Variants in NEBL observed in about 807,000 individuals in gnomAD.
NEBL encodes LIM and SH3 protein 2.
A neutral mutation model predicts 140.2 loss-of-function variants in NEBL; 122 were observed. That is an observed-to-expected ratio of 0.87 (90% CI 0.75 to 1.01). The LOEUF (loss-of-function observed/expected upper bound fraction) is 1.01. Ranked by LOEUF, NEBL falls within the 50% of genes least tolerant of loss-of-function variation. NEBL has a pLI of 0.00. For missense variants in NEBL, 1,365 were observed against 1,231.3 expected (o/e 1.11, Z -1.62); for synonymous variants, 436 against 398.9 (o/e 1.09, Z -1.11).
intron 2 of NEBL, among the ~76,000 whole-genome samples, chr10:21,084,740 T>A (rs891357638): frequency 1.3e-5 from 2 of 152,170 alleles, no homozygotes; most frequent in Non-Finnish European, 2.9e-5. Context: ...ACTGAATGAA[T>A]GAAATAACCT....
intron 23 of NEBL, among the ~76,000 whole-genome samples, chr10:20,813,185 CTA>C (rs1410408975): frequency 2.7e-5 from 4 of 150,370 alleles, no homozygotes; most frequent in African/African-American, 7.3e-5. Context: ...ATATATAAAA[CTA>C]TATATATATT....
intron 16 of NEBL, among the ~76,000 whole-genome samples, chr10:20,830,911 T>C (rs1233630202): frequency 1.9e-5 from 1 of 52,530 alleles, no homozygotes; most frequent in African/African-American, 1.2e-4. Context: ...TCTCTAAAAT[T>C]TAAAAAAAAA....
intron 3 of NEBL, among the ~76,000 whole-genome samples, chr10:21,225,743 G>A (rs1325233273): frequency 6.6e-6 from 1 of 152,090 alleles, no homozygotes; most frequent in African/African-American, 2.4e-5. Context: ...TCAGCTTGTG[G>A]TGAATGCTGT....
intron 3 of NEBL, among the ~76,000 whole-genome samples, chr10:21,227,712 T>TC (rs1192517210): frequency 8.5e-4 from 21 of 24,588 alleles, no homozygotes; most frequent in Admixed American, 2.6e-3. Context: ...TTCTTCTTCT[T>TC]TCTTCTTCTT....
intron 3 of NEBL, among the ~76,000 whole-genome samples, chr10:20,983,185 C>A (rs796642511): frequency 2.0e-5 from 3 of 152,252 alleles, no homozygotes; most frequent in African/African-American, 7.2e-5. Flanking sequence ...GTGAGAAAAT[C>A]AAATTAGATA....
intron 1 of NEBL, among the ~76,000 whole-genome samples, chr10:21,277,118 G>A (rs1156944219): frequency 6.6e-6 from 1 of 151,344 alleles, no homozygotes; most frequent in African/African-American, 2.4e-5. Context: ...CACAGAAGAA[G>A]ACCCTGTCTC....
At chr10:21,282,532 A>C (rs920183019) in intron 1 of NEBL, among the ~76,000 whole-genome samples, 10 of 152,174 alleles carry the variant, frequency 6.6e-5, no homozygotes, top group South Asian at 2.1e-4. Flanking sequence ...AAAGAAGAAG[A>C]AGCAAAAAGA....
chr10:21,025,921 C>T lies in NEBL; in HGVS notation c.165-5720G>A, dbSNP rs188566270. Among the ~76,000 whole-genome samples, 1,026 of 152,214 alleles carry T rather than the reference C, an allele frequency of 6.7e-3. 16 individuals are homozygous for T. The highest frequency in any genetic ancestry group is 0.024 in the African/African-American group (979 of 41,544). Reference sequence around the variant, plus strand: ...CTACCATTACTTATAATATTATTATCACTATTACTATTAATATTATGGCTA... The same window carrying T: ...CTACCATTACTTATAATATTATTATTACTATTACTATTAATATTATGGCTA... On this transcript the variant is annotated intron_variant, in intron 2 of 6. Transcript: ENST00000417816.
At position 20,918,130 on chromosome 10, in the gene NEBL, G is replaced by A. The variant is rs771891023; in HGVS notation, c.357+43542C>T. Among the ~76,000 whole-genome samples the A allele has an allele frequency of 7.2e-5, 11 of 152,196 alleles. 1 individual carries two copies. In the South Asian group the frequency reaches 1.2e-3, roughly 17 times the overall value. The stretch of plus-strand genomic sequence containing the variant: ...TCCCAGCACTTTGGGAGGCCAAGGC[G>A]GGCAGATCACTTGAGGTCAGGAGTT... On this transcript the variant is annotated intron_variant, in intron 4 of 6. Transcript: ENST00000417816.
At chr10:21,256,254 G>A (rs1420262703) in intron 1 of NEBL, among the ~76,000 whole-genome samples, 1 of 152,030 alleles carries the variant, frequency 6.6e-6, no homozygotes, top group Non-Finnish European at 1.5e-5. Context: ...TTTTAGTAGA[G>A]ATGGGGTGTC....
intron 3 of NEBL, among the ~76,000 whole-genome samples, chr10:21,230,868 G>T (rs1842240260): frequency 6.6e-6 from 1 of 152,138 alleles, no homozygotes; most frequent in Non-Finnish European, 1.5e-5. Context: ...GCCTCCCAAA[G>T]TGTTGTGATT....
At chr10:20,919,977 A>G (rs201314802) in intron 4 of NEBL, among the ~76,000 whole-genome samples, 13 of 148,978 alleles carry the variant, frequency 8.7e-5, no homozygotes, top group Admixed American at 8.1e-4. Flanking sequence ...GAGAAAAAAA[A>G]TCAACAACCC....
At chr10:21,144,495 G>A (rs1445819701) in intron 2 of NEBL, among the ~76,000 whole-genome samples, 1 of 152,304 alleles carries the variant, frequency 6.6e-6, no homozygotes, top group African/African-American at 2.4e-5. Context: ...GGAGGCCGAG[G>A]TGGGGGAATC....
At chr10:21,113,433 G>T (rs1838141293) in intron 2 of NEBL, 5 of 417,726 alleles carry the variant, frequency 1.2e-5, no homozygotes, top group Non-Finnish European at 1.8e-5. Context: ...TCAATTATGT[G>T]AAGAGTTGCT....
chr10:20,842,379 G>A (rs552550270), intron 12 of NEBL, among the ~76,000 whole-genome samples: 2 of 152,114 alleles, frequency 1.3e-5, no homozygotes, highest in Admixed American at 6.6e-5. Flanking sequence ...AATGTCAAAG[G>A]GCAATGGGGG....
chr10:20,833,751 G>A (rs1402804500), intron 14 of NEBL, among the ~76,000 whole-genome samples: 6 of 145,444 alleles, frequency 4.1e-5, no homozygotes, highest in East Asian at 2.0e-4. Context: ...GCGAGACTCC[G>A]TCTCAAAAAA....
intron 4 of NEBL, among the ~76,000 whole-genome samples, chr10:20,929,712 A>G (rs1022994957): frequency 6.7e-6 from 1 of 149,950 alleles, no homozygotes; most frequent in Non-Finnish European, 1.5e-5. Context: ...ACACGTGGAC[A>G]TACAGAGTGG....
chr10:21,149,480 G>T (rs12261588), intron 2 of NEBL, among the ~76,000 whole-genome samples: 1 of 151,856 alleles, frequency 6.6e-6, no homozygotes, highest in Admixed American at 6.6e-5. Flanking sequence ...TAGTAGATAC[G>T]GGGTTTCACC....
At chr10:20,943,777 C>G (rs1030351319) in intron 4 of NEBL, among the ~76,000 whole-genome samples, 1 of 152,200 alleles carries the variant, frequency 6.6e-6, no homozygotes, top group African/African-American at 2.4e-5. Flanking sequence ...TATTCAGTTA[C>G]TAGGATCCTA....
Sources: gnomAD v4.1 joint callset for allele counts (sites outside exome capture counted in the v4.1 genomes callset) on GRCh38, gnomAD v4.1.1 for gene constraint, MANE v1.5 for transcripts, NCBI Gene and HGNC (gene_info 2026-07-23, HGNC 2026-07-21) for gene names.